AMBRA1: variants seen among roughly 807,000 people sequenced by gnomAD.
AMBRA1 encodes the protein autophagy and beclin 1 regulator 1, also known as activating molecule in BECN1-regulated autophagy protein 1.
A neutral mutation model predicts 125.4 loss-of-function variants in AMBRA1; 47 were observed. The observed-to-expected ratio is 0.37, with a 90% confidence interval of 0.30 to 0.48. AMBRA1 has a LOEUF of 0.48. Among genes scored for constraint, AMBRA1 ranks in the 20% least tolerant of loss-of-function variants. The pLI is 0.99. For synonymous variants in AMBRA1, 626 were observed against 655.5 expected, an observed-to-expected ratio of 0.95 and a Z score of 0.69; for missense variants, 1,331 against 1,693.4, an observed-to-expected ratio of 0.79 and a Z score of 3.76.
intron 11 of AMBRA1, among the ~76,000 whole-genome samples, chr11:46,472,603 T>C (rs1949644049): frequency 6.6e-6 from 1 of 152,240 alleles, no homozygotes; most frequent in African/African-American, 2.4e-5. Context: ...TGTCAACTTC[T>C]AGTTTATTTT....
At chr11:46,548,094 C>G (rs1166721934) in intron 2 of AMBRA1, 152 bp downstream of exon 2, 1 of 1,290,214 alleles carries the variant, frequency 7.8e-7, no homozygotes, top group Non-Finnish European at 1.1e-6. Context: ...CACATTAGTT[C>G]TTTCAAATTT....
chr11:46,544,391 TC>T (rs1952899429), intron 5 of AMBRA1, among the ~76,000 whole-genome samples: 1 of 152,086 alleles, frequency 6.6e-6, no homozygotes, highest in African/African-American at 2.4e-5. Flanking sequence ...AATCAGTTCT[TC>T]CCTCATATGG....
intron 8 of AMBRA1, among the ~76,000 whole-genome samples, chr11:46,509,763 C>A (rs1446394204): frequency 6.6e-6 from 1 of 151,994 alleles, no homozygotes; most frequent in East Asian, 1.9e-4. Flanking sequence ...TATAAGGGAA[C>A]AACACAGCAA....
chr11:46,516,808 G>A lies in AMBRA1; in HGVS notation c.2073-3995C>T, dbSNP rs1241502469. On this transcript the variant is annotated intron_variant, in intron 7 of 17. Coordinates refer to ENST00000683756, the MANE Select transcript of AMBRA1 (RefSeq NM_001387011.1). ...GAAATGGTAGGAGAAAATTGAATGCGATGGCAGTTCTGCACATTCTGCTGT... is the reference window on the plus strand; with the variant it reads ...GAAATGGTAGGAGAAAATTGAATGCAATGGCAGTTCTGCACATTCTGCTGT... 2.6e-5 allele frequency among the ~76,000 whole-genome samples: 4 copies of A among 152,142 alleles called. No homozygotes were observed. The East Asian group carries it at 5.8e-4, about 22-fold the overall frequency.
At chr11:46,455,960 A>C (rs1948828007) in intron 11 of AMBRA1, among the ~76,000 whole-genome samples, 1 of 152,166 alleles carries the variant, frequency 6.6e-6, no homozygotes, top group Non-Finnish European at 1.5e-5. Flanking sequence ...GCCTGTTTTT[A>C]TCACCATGCT....
At chr11:46,455,028 C>T (rs12280708) in intron 11 of AMBRA1, among the ~76,000 whole-genome samples, 191 of 151,604 alleles carry the variant, frequency 1.3e-3, no homozygotes, top group African/African-American at 3.7e-3. Context: ...CACAGGTGTA[C>T]GCCACCCCAC....
At chr11:46,589,190 T>C (rs1222949067) in intron 1 of AMBRA1, among the ~76,000 whole-genome samples, 1 of 152,226 alleles carries the variant, frequency 6.6e-6, no homozygotes, top group Non-Finnish European at 1.5e-5. Context: ...CACATACTAC[T>C]GGACACATAA....
At chr11:46,539,108 C>T (rs541351842) in intron 7 of AMBRA1, among the ~76,000 whole-genome samples, 13 of 151,188 alleles carry the variant, frequency 8.6e-5, no homozygotes, top group East Asian at 5.8e-4. Flanking sequence ...CGGGAGCAGA[C>T]GGAATATAGA....
intron 7 of AMBRA1, among the ~76,000 whole-genome samples, chr11:46,535,399 A>T (rs1052345339): frequency 5.9e-5 from 9 of 152,176 alleles, no homozygotes; most frequent in Non-Finnish European, 1.0e-4. Flanking sequence ...AAAACTTAAC[A>T]AGGTTCACTC....
At chr11:46,464,304 C>T (rs1342370876) in intron 11 of AMBRA1, among the ~76,000 whole-genome samples, 1 of 152,152 alleles carries the variant, frequency 6.6e-6, no homozygotes, top group Non-Finnish European at 1.5e-5. Flanking sequence ...GCACAAAATA[C>T]CCACAAATAA....
At chr11:46,484,363 T>C (rs1231925740) in intron 11 of AMBRA1, among the ~76,000 whole-genome samples, 1 of 152,216 alleles carries the variant, frequency 6.6e-6, no homozygotes, top group African/African-American at 2.4e-5. Flanking sequence ...AAAAGAATTC[T>C]GGCATTATAC....
intron 9 of AMBRA1, among the ~76,000 whole-genome samples, chr11:46,506,019 A>G (rs923994215): frequency 6.6e-6 from 1 of 152,152 alleles, no homozygotes; most frequent in Non-Finnish European, 1.5e-5. Context: ...TTTCAGCAGC[A>G]CTAAGTGCCA....
chr11:46,475,609 C>G (rs952608011), intron 11 of AMBRA1, among the ~76,000 whole-genome samples: 3 of 152,180 alleles, frequency 2.0e-5, no homozygotes, highest in Admixed American at 6.5e-5. Context: ...AATTCCAACC[C>G]TTTCCTTCAG....
At chr11:46,414,595 A>G (rs1177760965) in intron 15 of AMBRA1, among the ~76,000 whole-genome samples, 3 of 152,190 alleles carry the variant, frequency 2.0e-5, no homozygotes, top group Non-Finnish European at 4.4e-5. Flanking sequence ...GAAGTAAGCA[A>G]GCACCCCCTC....
intron 7 of AMBRA1, among the ~76,000 whole-genome samples, chr11:46,514,052 G>C (rs1951376350): frequency 2.0e-5 from 3 of 152,084 alleles, no homozygotes; most frequent in Admixed American, 6.5e-5. Flanking sequence ...TGGTCTCAGA[G>C]AGGAACGCAT....
At chr11:46,550,748 G>A (rs2042966513) in intron 1 of AMBRA1, among the ~76,000 whole-genome samples, 1 of 151,970 alleles carries the variant, frequency 6.6e-6, no homozygotes, top group African/African-American at 2.4e-5. Flanking sequence ...AAAGGGTACT[G>A]GATGACTAAT....
chr11:46,534,507 A>C (rs1952374011), intron 7 of AMBRA1, among the ~76,000 whole-genome samples: 1 of 152,122 alleles, frequency 6.6e-6, no homozygotes, highest in Non-Finnish European at 1.5e-5. Context: ...AAATAAAGTA[A>C]AATAAATAGC....
At chr11:46,432,018 G>C (rs1310096547) in intron 14 of AMBRA1, among the ~76,000 whole-genome samples, 4 of 152,272 alleles carry the variant, frequency 2.6e-5, no homozygotes, top group African/African-American at 4.8e-5. Flanking sequence ...AAATGATAAA[G>C]AGGATGCTTT....
intron 17 of AMBRA1, among the ~76,000 whole-genome samples, chr11:46,405,785 G>A (rs200869869): frequency 6.6e-6 from 1 of 152,036 alleles, no homozygotes; most frequent in Non-Finnish European, 1.5e-5. Flanking sequence ...AGGCTGGAGT[G>A]CAGTGGCATA....
Sources: allele counts gnomAD v4.1 joint callset (sites outside exome capture counted in the v4.1 genomes callset), GRCh38; gene constraint gnomAD v4.1.1; transcripts MANE v1.5; gene names NCBI Gene and HGNC (gene_info 2026-07-23, HGNC 2026-07-21).